The following TAF1B variants were observed in gnomAD, a reference collection of about 807,000 sequenced individuals.
TAF1B encodes the protein TATA-box binding protein associated factor, RNA polymerase I subunit B.
Under a neutral mutation model 83.9 loss-of-function variants are expected in TAF1B, and 61 were observed. The observed-to-expected ratio is 0.73, with a 90% CI of 0.59 to 0.90. The LOEUF (loss-of-function observed/expected upper bound fraction) is 0.90. TAF1B is among the 40% of genes least tolerant of loss of function. The probability of loss-of-function intolerance (pLI) is 0.00; values close to 1 mark genes in which losing one functional copy is unlikely to be tolerated. For missense variants in TAF1B, 625 were observed against 677.0 expected (o/e 0.92, Z 0.85); for synonymous variants, 221 against 224.6 (o/e 0.98, Z 0.14).
chr2:9,868,541 G>A (rs1037720619), intron 6 of TAF1B, 112 bp downstream of exon 6: 2 of 1,402,416 alleles, frequency 1.4e-6, no homozygotes, highest in African/African-American at 1.4e-5. Flanking sequence ...TAGCGAGGAA[G>A]AATCTAGCAA....
intron 8 of TAF1B, among the ~76,000 whole-genome samples, chr2:9,896,414 C>T (rs1471749425): frequency 1.3e-5 from 2 of 152,098 alleles, no homozygotes; most frequent in Admixed American, 1.3e-4. Context: ...TCCCCCCTTC[C>T]ATGCCTTAGC....
chr2:9,924,400 C>G (rs1665974263), intron 14 of TAF1B, among the ~76,000 whole-genome samples: 2 of 152,180 alleles, frequency 1.3e-5, no homozygotes, highest in Admixed American at 1.3e-4. Flanking sequence ...TGATAGACAT[C>G]TTGACGGCAA....
intron 14 of TAF1B, among the ~76,000 whole-genome samples, chr2:9,931,617 A>G (rs1666214471): frequency 6.6e-6 from 1 of 151,882 alleles, no homozygotes. Flanking sequence ...CTTCATTTCA[A>G]CCTTGGTGAA....
chr2:9,896,981 CTTAAA>C (rs1421504309), intron 8 of TAF1B, among the ~76,000 whole-genome samples: 1 of 152,202 alleles, frequency 6.6e-6, no homozygotes, highest in African/African-American at 2.4e-5. Flanking sequence ...ATTTCATTTA[CTTAAA>C]TTAATTTGGA....
chr2:9,846,442 G>A (rs1663210593), intron 2 of TAF1B, among the ~76,000 whole-genome samples: 1 of 152,142 alleles, frequency 6.6e-6, no homozygotes, highest in African/African-American at 2.4e-5. Flanking sequence ...TACAGATCCA[G>A]GAAGGAACAA....
chr2:9,885,485 G>T (rs1664646050), intron 8 of TAF1B, among the ~76,000 whole-genome samples: 1 of 152,208 alleles, frequency 6.6e-6, no homozygotes, highest in East Asian at 1.9e-4. Flanking sequence ...ATTTGTAGAA[G>T]CATTAGATTT....
At chr2:9,875,729 G>A in intron 6 of TAF1B, 136 bp from the exon 7 acceptor site, 2 of 878,618 alleles carry the variant, frequency 2.3e-6, no homozygotes, top group Non-Finnish European at 3.3e-6. Context: ...GAGAACTACA[G>A]TTCAAGATGA....
Position 9,875,880 on chromosome 2 carries a change from C to G in TAF1B, c.569C>G (p.Ser190Cys). 6.2e-7 allele frequency: 1 copy of G among 1,603,484 alleles called. No individual in the cohort carries two copies. The change falls in exon 7 of 15, where the codon TCT becomes TGT. Residue 190 changes from serine (S) to cysteine (C), a missense_variant. Transcript: ENST00000263663. Reference sequence around the variant, plus strand: ...ATCTCCTAAGAAACGTCTGTCTGCTCTGGATCTCTGGATGGAGTTGAATAC... The same window carrying G: ...ATCTCCTAAGAAACGTCTGTCTGCTGTGGATCTCTGGATGGAGTTGAATAC... ...KASQSETSVC[S>C]GSLDGVEYSQ...
At chr2:9,915,556 A>G (rs1665657424) in intron 12 of TAF1B, among the ~76,000 whole-genome samples, 1 of 152,232 alleles carries the variant, frequency 6.6e-6, no homozygotes, top group Non-Finnish European at 1.5e-5. Context: ...TAATAGGGAA[A>G]TGCAAATTAA....
chr2:9,848,237 A>G (rs981203992), intron 2 of TAF1B, among the ~76,000 whole-genome samples: 1 of 152,236 alleles, frequency 6.6e-6, no homozygotes, highest in African/African-American at 2.4e-5. Flanking sequence ...CTACGTTCCA[A>G]AAATCCTGTT....
At chr2:9,871,307 C>G (rs1664162079) in intron 6 of TAF1B, among the ~76,000 whole-genome samples, 1 of 152,148 alleles carries the variant, frequency 6.6e-6, no homozygotes, top group Non-Finnish European at 1.5e-5. Context: ...TGGCCTCGAT[C>G]TCCTGACCTT....
intron 8 of TAF1B, among the ~76,000 whole-genome samples, chr2:9,892,181 A>G (rs996558592): frequency 6.6e-6 from 1 of 152,208 alleles, no homozygotes; most frequent in Non-Finnish European, 1.5e-5. Flanking sequence ...ATTGTGTTAC[A>G]GTTGCCTACA....
At chr2:9,918,104 C>T (rs1227428881) in intron 12 of TAF1B, among the ~76,000 whole-genome samples, 2 of 152,022 alleles carry the variant, frequency 1.3e-5, no homozygotes, top group Non-Finnish European at 2.9e-5. Flanking sequence ...GGAGCCAGGT[C>T]TTCTGATTCA....
chr2:9,873,174 G>C (rs879519353), intron 6 of TAF1B, among the ~76,000 whole-genome samples: 2 of 152,322 alleles, frequency 1.3e-5, no homozygotes, highest in Admixed American at 6.5e-5. Flanking sequence ...GCTAGAGACT[G>C]TTCTGGGCAC....
At position 9,919,730 on chromosome 2, in the gene TAF1B, A is replaced by C. The variant is rs1346150414; in HGVS notation, c.1475A>C (p.His492Pro). Residue 492 changes from histidine (H) to proline (P), a missense_variant, in exon 14 of 15, where the codon CAC becomes CCC. Transcript: ENST00000263663. ...EDTDRTCFHG[H>P]SLQGVLKEKG... ...ACTGATAGAACGTGTTTCCATGGACACAGCCTTCAGGGAGTCCTGAAAGAG... is the reference window on the plus strand; with the variant it reads ...ACTGATAGAACGTGTTTCCATGGACCCAGCCTTCAGGGAGTCCTGAAAGAG... 6.2e-7 allele frequency: 1 copy of C among 1,614,224 alleles called. No homozygotes were observed. The highest frequency in any genetic ancestry group is 1.1e-5 in the South Asian group (1 of 91,092).
chr2:9,931,214 T>C (rs936715188), intron 14 of TAF1B, among the ~76,000 whole-genome samples: 6 of 152,258 alleles, frequency 3.9e-5, no homozygotes, highest in African/African-American at 7.2e-5. Flanking sequence ...GTCATTATGA[T>C]GTTAGCTGGT....
intron 12 of TAF1B, 120 bp from the exon 13 acceptor site, chr2:9,918,921 G>A: frequency 1.2e-6 from 1 of 845,274 alleles, no homozygotes; most frequent in Non-Finnish European, 2.0e-6. Context: ...ACATGTGCCA[G>A]TAGGCCATTC....
intron 9 of TAF1B, among the ~76,000 whole-genome samples, chr2:9,909,901 A>G (rs997152902): frequency 6.6e-6 from 1 of 152,202 alleles, no homozygotes; most frequent in Non-Finnish European, 1.5e-5. Flanking sequence ...TCTATTCTCA[A>G]CCATGGTACT....
chr2:9,888,362 G>GATT (rs1664743080), intron 8 of TAF1B, among the ~76,000 whole-genome samples: 3 of 151,626 alleles, frequency 2.0e-5, no homozygotes, highest in Admixed American at 2.0e-4. Context: ...TTTAAAATGA[G>GATT]AAAAATCATT....
Sources: gnomAD v4.1 joint callset for allele counts (sites outside exome capture counted in the v4.1 genomes callset) on GRCh38, gnomAD v4.1.1 for gene constraint, MANE v1.5 for transcripts, NCBI Gene and HGNC (gene_info 2026-07-23, HGNC 2026-07-21) for gene names.